ARHGAP6: variants seen among roughly 807,000 people sequenced by gnomAD.
The protein encoded by ARHGAP6 is Rho GTPase activating protein 6.
A neutral mutation model predicts 55.7 loss-of-function variants in ARHGAP6; 16 were observed. The ratio of observed to expected loss-of-function variants is 0.29; its 90% CI spans 0.19 to 0.44. ARHGAP6 has a LOEUF of 0.44. Among genes scored for constraint, ARHGAP6 ranks in the 20% least tolerant of loss-of-function variants. ARHGAP6 has a pLI of 1.00. For missense variants in ARHGAP6, 698 were observed against 808.9 expected, an observed-to-expected ratio of 0.86 and a Z score of 1.66; for synonymous variants, 382 against 360.9, an observed-to-expected ratio of 1.06 and a Z score of -0.66.
chrX:11,554,773 G>A (rs1428871984), intron 1 of ARHGAP6, among the ~76,000 whole-genome samples: 1 of 111,993 alleles, frequency 8.9e-6, no homozygotes, highest in East Asian at 2.8e-4. Flanking sequence ...GTATTTGAGA[G>A]TGGAAATAAA....
chrX:11,218,393 T>A lies in ARHGAP6; in HGVS notation c.749-21397A>T, dbSNP rs182735575. ...TCCTCTCTTATTTCCTTCACATTAA[T>A]GTTAATCAGGGATATTGGCCTGAAA... On this transcript the variant is annotated intron_variant, in intron 2 of 12. Coordinates refer to ENST00000337414, the MANE Select transcript of ARHGAP6 (RefSeq NM_013427.3). Among the ~76,000 whole-genome samples, 5 of 111,981 alleles carry A rather than the reference T, an allele frequency of 4.5e-5. No homozygotes were observed. In the Admixed American group the frequency reaches 4.7e-4, roughly 11 times the overall value.
At chrX:11,657,403 A>G (rs5978456) in intron 1 of ARHGAP6, among the ~76,000 whole-genome samples, 15,257 of 108,417 alleles carry the variant, frequency 0.14, 1,019 homozygotes, top group Middle Eastern at 0.26. Flanking sequence ...AATGGGAAGT[A>G]CACACTGCAG....
At chrX:11,385,675 C>T (rs780388093) in intron 1 of ARHGAP6, among the ~76,000 whole-genome samples, 38 of 111,846 alleles carry the variant, frequency 3.4e-4, no homozygotes, top group African/African-American at 1.2e-3. Context: ...TTGAGGAAAT[C>T]TGATGAGTTA....
chrX:11,426,149 G>A (rs1235823218), intron 1 of ARHGAP6, among the ~76,000 whole-genome samples: 1 of 111,909 alleles, frequency 8.9e-6, no homozygotes, highest in African/African-American at 3.2e-5. Flanking sequence ...TTCCTGGAAC[G>A]TTTGCCTGGG....
At chrX:11,298,604 C>T (rs1384125952) in intron 1 of ARHGAP6, 12 of 1,208,500 alleles carry the variant, frequency 9.9e-6, no homozygotes, top group Middle Eastern at 2.3e-4. Flanking sequence ...AAATCATCCC[C>T]GTGCTGTCCC....
intron 1 of ARHGAP6, among the ~76,000 whole-genome samples, chrX:11,540,688 T>C (rs973854842): frequency 1.8e-5 from 2 of 112,244 alleles, no homozygotes; most frequent in African/African-American, 6.5e-5. Flanking sequence ...TGAGAGAATA[T>C]GCAGAAAATT....
intron 2 of ARHGAP6, among the ~76,000 whole-genome samples, chrX:11,253,635 C>A (rs759031117): frequency 5.8e-4 from 65 of 112,074 alleles, no homozygotes; most frequent in Non-Finnish European, 9.2e-4. Context: ...GGTGCAGTGG[C>A]TCACGCCTGT....
At chrX:11,397,907 G>A (rs781499105) in intron 1 of ARHGAP6, among the ~76,000 whole-genome samples, 1 of 111,354 alleles carries the variant, frequency 9.0e-6, no homozygotes, top group Non-Finnish European at 1.9e-5. Context: ...AAACAAAAAC[G>A]AAAACAAAAA....
intron 1 of ARHGAP6, among the ~76,000 whole-genome samples, chrX:11,263,005 A>T (rs1011549555): frequency 9.0e-6 from 1 of 110,942 alleles, no homozygotes; most frequent in African/African-American, 3.3e-5. Context: ...AATATTAATC[A>T]TCACCACTCT....
chrX:11,235,262 C>T (rs1255671575), intron 2 of ARHGAP6, among the ~76,000 whole-genome samples: 2 of 113,379 alleles, frequency 1.8e-5, no homozygotes, highest in Non-Finnish European at 3.7e-5. Context: ...AGGCTTGGGG[C>T]TTGCACCAAG....
chrX:11,187,869 AAAT>A (rs1033501707), intron 4 of ARHGAP6, among the ~76,000 whole-genome samples: 3 of 111,145 alleles, frequency 2.7e-5, no homozygotes, highest in South Asian at 7.7e-4. Context: ...TCTCTACTAA[AAAT>A]AATAATAATA....
At chrX:11,159,924 A>AT (rs1337697835) in intron 9 of ARHGAP6, among the ~76,000 whole-genome samples, 2 of 111,152 alleles carry the variant, frequency 1.8e-5, no homozygotes, top group Non-Finnish European at 3.8e-5. Flanking sequence ...TCATCACCCA[A>AT]CAGCCATGTG....
At chrX:11,343,168 G>A (rs2048727657) in intron 1 of ARHGAP6, among the ~76,000 whole-genome samples, 1 of 112,540 alleles carries the variant, frequency 8.9e-6, no homozygotes, top group Non-Finnish European at 1.9e-5. Flanking sequence ...AAGCACTTAT[G>A]TATAATTTGA....
At chrX:11,299,838 A>G (rs774439738) in intron 1 of ARHGAP6, among the ~76,000 whole-genome samples, 6 of 112,258 alleles carry the variant, frequency 5.3e-5, no homozygotes, top group African/African-American at 1.6e-4. Flanking sequence ...CTTTGCCCTC[A>G]AAGACGAGGC....
chrX:11,427,564 G>C (rs2049895743), intron 1 of ARHGAP6: 1 of 920,394 alleles, frequency 1.1e-6, no homozygotes, highest in Non-Finnish European at 1.4e-6. Context: ...GTGCAGCTGG[G>C]GCTTCTCGCC....
At chrX:11,472,740 T>TGAA (rs1399806176) in intron 1 of ARHGAP6, among the ~76,000 whole-genome samples, 8 of 111,359 alleles carry the variant, frequency 7.2e-5, no homozygotes, top group Non-Finnish European at 1.5e-4. Context: ...AGGGTTTTAG[T>TGAA]GAAGGAAATG....
intron 1 of ARHGAP6, among the ~76,000 whole-genome samples, chrX:11,586,317 G>A (rs773961720): frequency 2.9e-4 from 32 of 111,885 alleles, no homozygotes; most frequent in African/African-American, 1.0e-3. Context: ...TTTTACATTT[G>A]GGTCTTTCAT....
intron 1 of ARHGAP6, among the ~76,000 whole-genome samples, chrX:11,502,768 T>C (rs2050692835): frequency 8.9e-6 from 1 of 112,518 alleles, no homozygotes; most frequent in South Asian, 3.6e-4. Context: ...ATACAGGGTA[T>C]AATTCATATA....
At chrX:11,351,483 G>A in intron 1 of ARHGAP6, 1 of 954,183 alleles carries the variant, frequency 1.0e-6, no homozygotes, top group South Asian at 2.1e-5. Flanking sequence ...ATTCCTCTAG[G>A]ATTCCCCTCC....
Sources: gnomAD v4.1 joint callset for allele counts (sites outside exome capture counted in the v4.1 genomes callset) on GRCh38, gnomAD v4.1.1 for gene constraint, MANE v1.5 for transcripts, NCBI Gene and HGNC (gene_info 2026-07-23, HGNC 2026-07-21) for gene names.